The following GPCPD1 variants were observed in gnomAD, a reference collection of about 807,000 sequenced individuals.
GPCPD1 encodes glycerophosphocholine phosphodiesterase 1.
GPCPD1 carries 29 observed loss-of-function variants against 89.2 expected under a neutral mutation model. The ratio of observed to expected loss-of-function variants is 0.33; its 90% CI spans 0.24 to 0.44. The LOEUF is 0.44. GPCPD1 is among the 20% of genes least tolerant of loss of function. The probability of loss-of-function intolerance (pLI) is 1.00; values close to 1 mark genes in which losing one functional copy is unlikely to be tolerated. For synonymous variants in GPCPD1, 258 were observed against 266.3 expected (o/e 0.97, Z 0.30); for missense variants, 594 against 808.9 (o/e 0.73, Z 3.22).
chr20:5,547,592 C>T lies in GPCPD1; in HGVS notation c.*69G>A, dbSNP rs1289170602. 2 of 766,112 alleles carry T rather than the reference C, an allele frequency of 2.6e-6. No homozygotes were observed. Among genetic ancestry groups the T allele is most frequent in the Admixed American group, 4.6e-5 (2 of 43,328 alleles). 47.5% of individuals were successfully genotyped at this position (766,112 alleles called of 1,614,324 possible). On this transcript the variant is annotated 3_prime_UTR_variant, in exon 20 of 20. Coordinates refer to ENST00000379019, the MANE Select transcript of GPCPD1 (RefSeq NM_019593.5). ...GCCCAAAAGGCATAGATCAACAATG[C>T]TCAGTGATGAAAAATGAATACCCAG...
chr20:5,589,466 G>C (rs963288286), intron 4 of GPCPD1, among the ~76,000 whole-genome samples: 1 of 152,054 alleles, frequency 6.6e-6, no homozygotes, highest in African/African-American at 2.4e-5. Flanking sequence ...ACAAAAATTA[G>C]CCGGGCATAG....
At chr20:5,573,136 C>T (rs538972369) in intron 11 of GPCPD1, among the ~76,000 whole-genome samples, 3 of 149,408 alleles carry the variant, frequency 2.0e-5, no homozygotes, top group East Asian at 4.0e-4. Context: ...GGCTGGAAAA[C>T]GGTGGCATGA....
At chr20:5,553,173 T>C (rs1219881501) in intron 19 of GPCPD1, among the ~76,000 whole-genome samples, 1 of 152,206 alleles carries the variant, frequency 6.6e-6, no homozygotes, top group African/African-American at 2.4e-5. Context: ...GCTCACTTCA[T>C]ATCTGCGTCA....
intron 1 of GPCPD1, among the ~76,000 whole-genome samples, chr20:5,609,325 AC>A (rs555547681): frequency 9.9e-5 from 15 of 152,130 alleles, no homozygotes; most frequent in Non-Finnish European, 1.9e-4. Flanking sequence ...GATCATTACG[AC>A]CCTTGCTACA....
Position 5,558,732 on chromosome 20 carries a change from A to C in GPCPD1, c.1620T>G (p.Ser540=). The stretch of plus-strand genomic sequence containing the variant: ...AGCTCATTGCAATGGGGGTTGTCCG[A>C]GATCTGAGGTCCATGAGTTCAGGAT... ...EIYPELMDLR[S]RTTPIAMSFA... The change falls in exon 18 of 20, where the codon TCT becomes TCG. Residue 540 remains serine, a synonymous_variant. Coordinates refer to ENST00000379019, the MANE Select transcript of GPCPD1 (RefSeq NM_019593.5). 1 of 1,602,086 alleles carries C rather than the reference A, an allele frequency of 6.2e-7. No homozygotes were observed. Among genetic ancestry groups the C allele is most frequent in the Non-Finnish European group, 8.5e-7 (1 of 1,173,900 alleles).
chr20:5,553,219 TATG>T (rs1363965010), intron 19 of GPCPD1, among the ~76,000 whole-genome samples: 1 of 152,234 alleles, frequency 6.6e-6, no homozygotes, highest in Non-Finnish European at 1.5e-5. Flanking sequence ...CAAAGTTCAT[TATG>T]ATTCTATCTG....
At chr20:5,556,711 G>A (rs1171783334) in intron 19 of GPCPD1, among the ~76,000 whole-genome samples, 3 of 152,122 alleles carry the variant, frequency 2.0e-5, no homozygotes, top group Non-Finnish European at 2.9e-5. Context: ...GGCTGCCAAA[G>A]AAGCTGATGG....
chr20:5,604,534 T>G (rs1980410059), intron 1 of GPCPD1, 94 bp from the exon 2 acceptor site: 1 of 520,132 alleles, frequency 1.9e-6, no homozygotes, highest in East Asian at 4.2e-5. Flanking sequence ...CTATTTATAT[T>G]TTTAAAAGCA....
chr20:5,593,803 A>T (rs1301694108), intron 3 of GPCPD1, among the ~76,000 whole-genome samples: 2 of 152,264 alleles, frequency 1.3e-5, no homozygotes, highest in East Asian at 3.8e-4. Context: ...TTCAAGTTGT[A>T]CAAAAGTGGA....
At chr20:5,559,164 G>A (rs1296626757) in intron 17 of GPCPD1, among the ~76,000 whole-genome samples, 2 of 152,092 alleles carry the variant, frequency 1.3e-5, no homozygotes, top group East Asian at 3.9e-4. Context: ...TCACACCACT[G>A]CACTCCAGCC....
intron 19 of GPCPD1, among the ~76,000 whole-genome samples, chr20:5,552,133 A>T (rs1363274927): frequency 6.6e-6 from 1 of 152,192 alleles, no homozygotes; most frequent in African/African-American, 2.4e-5. Flanking sequence ...AACTATTTGA[A>T]TTTTAAAACT....
chr20:5,586,323 C>T, intron 4 of GPCPD1, 54 bp from the exon 5 acceptor site: 2 of 933,304 alleles, frequency 2.1e-6, no homozygotes, highest in South Asian at 1.3e-5. Context: ...TATTTTCTAC[C>T]CATGACTCCA....
chr20:5,549,230 A>G (rs564237897), intron 19 of GPCPD1: 5 of 743,992 alleles, frequency 6.7e-6, no homozygotes, highest in Non-Finnish European at 1.2e-5. Context: ...TAGAGACTCT[A>G]CTGTGTCTTA....
chr20:5,571,139 T>C (rs1290800217), intron 11 of GPCPD1, among the ~76,000 whole-genome samples: 10 of 152,174 alleles, frequency 6.6e-5, no homozygotes, highest in African/African-American at 2.4e-4. Flanking sequence ...GGGGTAGAAC[T>C]CAACTTGGGA....
At chr20:5,598,858 ACAAT>A (rs771883706) in intron 2 of GPCPD1, 37 bp from the exon 3 acceptor site, 5 of 1,265,628 alleles carry the variant, frequency 4.0e-6, no homozygotes, top group Admixed American at 3.4e-5. Flanking sequence ...GAGAAACAGA[ACAAT>A]CAGTCACAGT....
At chr20:5,555,265 G>A (rs1037087039) in intron 19 of GPCPD1, among the ~76,000 whole-genome samples, 1 of 152,182 alleles carries the variant, frequency 6.6e-6, no homozygotes, top group African/African-American at 2.4e-5. Flanking sequence ...GTGGGGCAGG[G>A]AGTGGTGGCC....
chr20:5,562,373 C>G (rs1243784907), intron 15 of GPCPD1, among the ~76,000 whole-genome samples: 3 of 152,208 alleles, frequency 2.0e-5, no homozygotes, highest in Admixed American at 2.0e-4. Context: ...ACCTCCACCT[C>G]TGGGGTTCAA....
chr20:5,556,945 A>C (rs1985804994), intron 19 of GPCPD1, among the ~76,000 whole-genome samples: 2 of 152,250 alleles, frequency 1.3e-5, no homozygotes, highest in African/African-American at 2.4e-5. Context: ...TCAGATGATG[A>C]TAAATGATAT....
intron 2 of GPCPD1, among the ~76,000 whole-genome samples, chr20:5,601,909 A>T (rs1234816923): frequency 6.6e-6 from 1 of 152,010 alleles, no homozygotes; most frequent in Non-Finnish European, 1.5e-5. Flanking sequence ...AAATGAGGAA[A>T]TTTTTCACTA....
Sources: gnomAD v4.1 joint callset for allele counts (sites outside exome capture counted in the v4.1 genomes callset) on GRCh38, gnomAD v4.1.1 for gene constraint, MANE v1.5 for transcripts, NCBI Gene and HGNC (gene_info 2026-07-23, HGNC 2026-07-21) for gene names.